The following CNIH3 variants were observed in gnomAD, a reference collection of about 807,000 sequenced individuals.
The protein encoded by CNIH3 is cornichon family AMPA receptor auxiliary protein 3.
A neutral mutation model predicts 24.1 loss-of-function variants in CNIH3; 14 were observed. The observed-to-expected ratio is 0.58, with a 90% CI of 0.38 to 0.91. The LOEUF (loss-of-function observed/expected upper bound fraction) is 0.91, where lower values mean the gene tolerates loss of function less well. Ranked by LOEUF, CNIH3 falls within the 40% of genes least tolerant of loss-of-function variation. CNIH3 has a pLI of 0.00. For missense variants in CNIH3, 178 were observed against 196.8 expected, an observed-to-expected ratio of 0.90 and a Z score of 0.57; for synonymous variants, 68 against 73.8, an observed-to-expected ratio of 0.92 and a Z score of 0.40.
Position 224,616,323 on chromosome 1 carries a change from GC to G in CNIH3, c.-851del. 1 of 349,186 alleles carries G rather than the reference GC, an allele frequency of 2.9e-6. No individual in the cohort carries two copies. Among genetic ancestry groups the G allele is most frequent in the Non-Finnish European group, 4.4e-6 (1 of 227,288 alleles). 21.6% of individuals were successfully genotyped at this position (349,186 alleles called of 1,614,324 possible). ...TCGCACCGCTACAGTTCTCGCAGTG[GC>G]AAAGGCGGCGGCGGCGGCGGCGGCA... On this transcript the variant is annotated 5_prime_UTR_variant, in exon 1 of 6. Transcript: ENST00000272133.
chr1:224,496,939 G>T (rs890581290), intron 1 of CNIH3, among the ~76,000 whole-genome samples: 3 of 152,136 alleles, frequency 2.0e-5, no homozygotes, highest in Admixed American at 2.0e-4. Context: ...TCATAGCAGC[G>T]TTATTCACAA....
At chr1:224,636,432 C>T (rs528403099) in intron 1 of CNIH3, among the ~76,000 whole-genome samples, 4 of 152,276 alleles carry the variant, frequency 2.6e-5, no homozygotes, top group Admixed American at 6.5e-5. Context: ...GGACGAAGCC[C>T]GGAGGGGAAT....
intron 2 of CNIH3, among the ~76,000 whole-genome samples, chr1:224,527,737 G>A (rs144639054): frequency 2.4e-3 from 369 of 152,270 alleles, no homozygotes; most frequent in African/African-American, 8.5e-3. Flanking sequence ...TATTTGAGAT[G>A]ATGGATATCC....
intron 3 of CNIH3, among the ~76,000 whole-genome samples, chr1:224,723,735 A>T (rs1377401967): frequency 6.6e-6 from 1 of 152,222 alleles, no homozygotes. Flanking sequence ...GTTTCCCTTG[A>T]ATAGTGGCCC....
chr1:224,564,761 C>T (rs1680511826), intron 3 of CNIH3, among the ~76,000 whole-genome samples: 1 of 152,354 alleles, frequency 6.6e-6, no homozygotes, highest in South Asian at 2.1e-4. Flanking sequence ...GGTTCATGTG[C>T]CTGGGTGGGA....
chr1:224,629,542 T>G (rs534256707), intron 1 of CNIH3, among the ~76,000 whole-genome samples: 7 of 152,258 alleles, frequency 4.6e-5, no homozygotes, highest in African/African-American at 1.7e-4. Flanking sequence ...TTCACCCCTT[T>G]GTCGACGAAC....
intron 4 of CNIH3, among the ~76,000 whole-genome samples, chr1:224,579,495 C>A (rs902672122): frequency 2.6e-5 from 4 of 152,194 alleles, no homozygotes; most frequent in African/African-American, 9.7e-5. Flanking sequence ...GCAAGGAAGG[C>A]TCCTCCAGTG....
At chr1:224,587,707 G>A (rs989216873) in intron 5 of CNIH3, among the ~76,000 whole-genome samples, 1 of 152,180 alleles carries the variant, frequency 6.6e-6, no homozygotes, top group African/African-American at 2.4e-5. Flanking sequence ...GGGAGGCCAA[G>A]GTGGGAGGAT....
At chr1:224,649,346 G>A (rs1487120468) in intron 1 of CNIH3, among the ~76,000 whole-genome samples, 2 of 152,094 alleles carry the variant, frequency 1.3e-5, no homozygotes, top group Admixed American at 6.5e-5. Flanking sequence ...TTCTGCCCTA[G>A]GGCTTCCAGA....
intron 5 of CNIH3, among the ~76,000 whole-genome samples, chr1:224,738,013 G>T (rs1459735285): frequency 6.6e-6 from 1 of 152,244 alleles, no homozygotes; most frequent in Non-Finnish European, 1.5e-5. Context: ...TCTGGATCAT[G>T]CCTGTTCCTC....
At chr1:224,562,754 C>T (rs10916641) in intron 3 of CNIH3, among the ~76,000 whole-genome samples, 39,089 of 151,898 alleles carry the variant, frequency 0.26, 5,509 homozygotes, top group Admixed American at 0.33. Context: ...TCTCTTGCCC[C>T]GTCCCTCACC....
intron 2 of CNIH3, among the ~76,000 whole-genome samples, chr1:224,683,469 G>A (rs1686501404): frequency 1.3e-5 from 2 of 152,162 alleles, no homozygotes; most frequent in Admixed American, 6.5e-5. Flanking sequence ...AGCCCCCAAG[G>A]CAGCATTTCA....
intron 5 of CNIH3, chr1:224,587,063 G>A (rs1361470380): frequency 6.6e-6 from 1 of 152,296 alleles, no homozygotes; most frequent in Non-Finnish European, 1.5e-5. Context: ...GCCCTAGAAA[G>A]TGAAAATTGT....
At chr1:224,667,859 A>C (rs1685670684) in intron 1 of CNIH3, among the ~76,000 whole-genome samples, 1 of 152,078 alleles carries the variant, frequency 6.6e-6, no homozygotes, top group Non-Finnish European at 1.5e-5. Context: ...TTGTGGCATT[A>C]TTTGAGGTGA....
At chr1:224,560,201 A>G (rs1680307139) in intron 3 of CNIH3, among the ~76,000 whole-genome samples, 1 of 152,110 alleles carries the variant, frequency 6.6e-6, no homozygotes, top group Non-Finnish European at 1.5e-5. Flanking sequence ...TTTCATGTGT[A>G]TATCCTATAT....
chr1:224,601,717 A>G (rs747216165), intron 3 of CNIH3, among the ~76,000 whole-genome samples: 2 of 152,228 alleles, frequency 1.3e-5, no homozygotes, highest in Non-Finnish European at 2.9e-5. Flanking sequence ...ATGAGAAAAT[A>G]CATTTCTGTT....
Position 224,604,105 on chromosome 1 carries a change from A to G in CNIH3, n.402+37841A>G, listed in dbSNP as rs1682317229. Reference sequence around the variant, plus strand: ...GTATATACACAATGCTTTGTGATTAATAAGCACATGGGAGGCCCATTTGTC... The same window carrying G: ...GTATATACACAATGCTTTGTGATTAGTAAGCACATGGGAGGCCCATTTGTC... On this transcript the variant is annotated intron_variant and non_coding_transcript_variant, in intron 3 of 7. Transcript: ENST00000478120. The surrounding 1 kb of genome is among the most constrained non-coding windows in gnomAD (Gnocchi z 4.4). Among the ~76,000 whole-genome samples the G allele has an allele frequency of 6.6e-6, 1 of 152,262 alleles. No homozygotes were observed. Among genetic ancestry groups the G allele is most frequent in the Non-Finnish European group, 1.5e-5 (1 of 68,044 alleles).
intron 3 of CNIH3, among the ~76,000 whole-genome samples, chr1:224,551,793 T>C (rs898040144): frequency 5.3e-5 from 8 of 150,582 alleles, no homozygotes; most frequent in African/African-American, 9.7e-5. Context: ...TTAGGAGTCA[T>C]ACATCTCCCA....
At chr1:224,461,472 G>T (rs1028476445) in intron 1 of CNIH3, among the ~76,000 whole-genome samples, 2 of 152,098 alleles carry the variant, frequency 1.3e-5, no homozygotes, top group Non-Finnish European at 2.9e-5. Flanking sequence ...AGGCACACTT[G>T]CTTCCCTTTG....
Sources: allele counts gnomAD v4.1 joint callset (sites outside exome capture counted in the v4.1 genomes callset), GRCh38; gene constraint gnomAD v4.1.1; non-coding constraint Gnocchi (gnomAD v3.1); transcripts MANE v1.5; gene names NCBI Gene and HGNC (gene_info 2026-07-23, HGNC 2026-07-21).